Variants in SYNE2 observed in about 807,000 individuals in gnomAD.
The protein encoded by SYNE2 is spectrin repeat containing nuclear envelope protein 2, also known as nesprin-2.
In SYNE2, 431 loss-of-function variants were observed where a neutral mutation model predicts 856.3. That is an observed-to-expected ratio of 0.50 (90% CI 0.47 to 0.55). The LOEUF is 0.55. Among genes scored for constraint, SYNE2 ranks in the 20% least tolerant of loss-of-function variants. The pLI, the probability that SYNE2 is intolerant of heterozygous loss-of-function variation, is 0.00. For missense variants in SYNE2, 8,129 were observed against 8,023.2 expected (o/e 1.01, Z -0.50); for synonymous variants, 2,923 against 2,872.3 (o/e 1.02, Z -0.56).
intron 90 of SYNE2, among the ~76,000 whole-genome samples, chr14:64,166,494 T>C (rs2098379978): frequency 6.6e-6 from 1 of 152,218 alleles, no homozygotes; most frequent in Non-Finnish European, 1.5e-5. Context: ...TTTCTTGCAA[T>C]GTCATGTTCT....
At chr14:63,908,440 A>G (rs1441993721) in intron 1 of SYNE2, among the ~76,000 whole-genome samples, 1 of 152,212 alleles carries the variant, frequency 6.6e-6, no homozygotes, top group African/African-American at 2.4e-5. Flanking sequence ...ACATGAAGCA[A>G]TGCTTTTAAA....
intron 45 of SYNE2, among the ~76,000 whole-genome samples, chr14:64,033,170 A>C (rs2097055434): frequency 6.6e-6 from 1 of 152,140 alleles, no homozygotes. Flanking sequence ...CTTGGTCTCT[A>C]AATAAATAAG....
intron 90 of SYNE2, among the ~76,000 whole-genome samples, chr14:64,165,709 T>G (rs1347608952): frequency 6.6e-6 from 1 of 152,104 alleles, no homozygotes; most frequent in Admixed American, 6.5e-5. Context: ...AGATGAAGTT[T>G]TACCATATTG....
chr14:64,216,502 G>C, intron 108 of SYNE2, 115 bp downstream of exon 108: 1 of 1,245,618 alleles, frequency 8.0e-7, no homozygotes, highest in Non-Finnish European at 1.2e-6. Context: ...CATATTTTGA[G>C]TTGGTTTTCT....
intron 48 of SYNE2, 51 bp downstream of exon 48, chr14:64,053,708 T>G (rs1291910939): frequency 6.4e-7 from 1 of 1,562,766 alleles, no homozygotes; most frequent in Admixed American, 1.8e-5. Context: ...GGCTCACGCC[T>G]GTAATCCCAG....
At chr14:64,131,413 G>A (rs2098019330) in intron 76 of SYNE2, among the ~76,000 whole-genome samples, 1 of 152,214 alleles carries the variant, frequency 6.6e-6, no homozygotes, top group Non-Finnish European at 1.5e-5. Context: ...CTATAAAGCA[G>A]CAAATTCCCT....
At chr14:64,168,128 GA>G (rs1276175351) in intron 92 of SYNE2, among the ~76,000 whole-genome samples, 1 of 152,158 alleles carries the variant, frequency 6.6e-6, no homozygotes, top group African/African-American at 2.4e-5. Context: ...GGGGGAGACA[GA>G]GTCTTCCTCT....
At chr14:63,878,616 C>T (rs1489693369) in intron 1 of SYNE2, among the ~76,000 whole-genome samples, 1 of 152,158 alleles carries the variant, frequency 6.6e-6, no homozygotes, top group Middle Eastern at 3.2e-3. Flanking sequence ...GATCTCAACT[C>T]ACTGCAGCTT....
intron 96 of SYNE2, among the ~76,000 whole-genome samples, chr14:64,183,646 G>T (rs1385705075): frequency 6.6e-6 from 1 of 152,216 alleles, no homozygotes; most frequent in African/African-American, 2.4e-5. Context: ...GAGTGAACGA[G>T]ACTCCGTCTG....
In SYNE2 at chr14:64,163,509, G is replaced by A. The variant is rs755327532; in HGVS notation, c.16407G>A (p.Pro5469=). The change falls in exon 89 of 116, where the codon CCG becomes CCA. Residue 5469 remains proline (P), a synonymous_variant. Transcript: ENST00000555002. The part of the protein sequence containing the change: ...PAESSTHMLL[P]GPLHSLQRAA... Reference sequence around the variant, plus strand: ...AGTCCAGCACCCACATGCTCCTCCCGGGCCCCCTGCACTCTCTCCAGAGGG... The same window carrying A: ...AGTCCAGCACCCACATGCTCCTCCCAGGCCCCCTGCACTCTCTCCAGAGGG... The A allele has an allele frequency of 1.3e-5, 21 of 1,614,116 alleles. No individual in the cohort carries two copies. Among genetic ancestry groups the A allele is most frequent in the Middle Eastern group, 1.7e-4 (1 of 6,054 alleles).
intron 94 of SYNE2, chr14:64,174,106 C>CT (rs1356565335): frequency 2.1e-6 from 1 of 485,110 alleles, no homozygotes; most frequent in Non-Finnish European, 3.6e-6. Flanking sequence ...AAGCGTCACT[C>CT]TGTCACCCAG....
At chr14:64,038,307 C>T (rs1161970700) in intron 45 of SYNE2, among the ~76,000 whole-genome samples, 1 of 152,216 alleles carries the variant, frequency 6.6e-6, no homozygotes, top group Non-Finnish European at 1.5e-5. Context: ...AGGCGCTCCT[C>T]ACTTCCTAGA....
At chr14:64,155,323 G>A (rs995062901) in intron 85 of SYNE2, among the ~76,000 whole-genome samples, 2 of 152,058 alleles carry the variant, frequency 1.3e-5, no homozygotes, top group African/African-American at 4.8e-5. Context: ...GATGATCTTG[G>A]AAACATTATG....
In SYNE2 at chr14:64,074,005, C is replaced by T; in HGVS notation, c.10735C>T (p.Gln3579Ter). ...QKVQKNKELV[Q>*]TEIQERHSFT... ...AGTTCAGAAAAATAAAGAATTGGTG[C>T]AGACTGAAATCCAAGAAAGACATTC... is the stretch of plus-strand genomic sequence containing the variant. The change falls in exon 53 of 116, where the codon CAG (glutamine) becomes TAG (stop). Residue 3579 changes from glutamine to a stop codon, truncating the protein, a stop_gained. Transcript: ENST00000555002. LOFTEE classifies it high-confidence loss of function. 6.2e-7 allele frequency: 1 copy of T among 1,614,156 alleles called. No homozygotes were observed. The highest frequency in any genetic ancestry group is 8.5e-7 in the Non-Finnish European group (1 of 1,180,022).
chr14:63,884,477 T>C (rs1451505422), intron 1 of SYNE2, among the ~76,000 whole-genome samples: 1 of 152,080 alleles, frequency 6.6e-6, no homozygotes, highest in East Asian at 1.9e-4. Flanking sequence ...GAGCTTAGGT[T>C]GCAGTAAGGT....
At chr14:63,943,387 TA>T (rs1226075044) in intron 6 of SYNE2, among the ~76,000 whole-genome samples, 3 of 152,242 alleles carry the variant, frequency 2.0e-5, no homozygotes, top group African/African-American at 7.2e-5. Flanking sequence ...GCATTTTCTG[TA>T]TCTCCATAAT....
At chr14:64,207,106 G>T (rs1367090092) in intron 100 of SYNE2, among the ~76,000 whole-genome samples, 1 of 152,112 alleles carries the variant, frequency 6.6e-6, no homozygotes, top group Non-Finnish European at 1.5e-5. Context: ...GTGCACACAG[G>T]GTGGCCAAGT....
rs2098689492 is a variant in SYNE2 at position 64,220,533 on chromosome 14, G to A, written c.19957G>A (p.Glu6653Lys). The A allele has an allele frequency of 6.2e-7, 1 of 1,614,020 alleles. No individual in the cohort carries two copies. The highest frequency in any genetic ancestry group is 1.3e-5 in the African/African-American group (1 of 74,892). Residue 6653 changes from glutamate to lysine, a missense_variant, in exon 111 of 116, where the codon GAG becomes AAG. Glu to Lys is a moderately conservative substitution (Grantham distance 56). Transcript: ENST00000555002. ...FLQTESPEST[E>K]LQSRLRQLSL... ...GCAAACCGAGAGCCCCGAATCCACAGAGCTCCAAAGTAGACTCCGCCAGCT... is the reference window on the plus strand; with the variant it reads ...GCAAACCGAGAGCCCCGAATCCACAAAGCTCCAAAGTAGACTCCGCCAGCT...
At chr14:64,032,508 G>C (rs7147157) in intron 45 of SYNE2, among the ~76,000 whole-genome samples, 128,957 of 152,122 alleles carry the variant, frequency 0.85, 55,515 homozygotes, top group Non-Finnish European at 0.93. Flanking sequence ...GTTACAGTGA[G>C]CTGTGATTGC....
Sources: gnomAD v4.1 joint callset for allele counts (sites outside exome capture counted in the v4.1 genomes callset) on GRCh38, gnomAD v4.1.1 for gene constraint, MANE v1.5 for transcripts, NCBI Gene and HGNC (gene_info 2026-07-23, HGNC 2026-07-21) for gene names.